ABL2: variants seen among roughly 807,000 people sequenced by gnomAD.
ABL2 encodes the protein tyrosine-protein kinase ABL2.
In ABL2, 49 loss-of-function variants were observed where a neutral mutation model predicts 107.7. The observed-to-expected ratio is 0.45, with a 90% CI of 0.36 to 0.58. The LOEUF (loss-of-function observed/expected upper bound fraction) is 0.58. ABL2 is among the 20% of genes least tolerant of loss of function. ABL2 has a pLI of 0.00. For missense variants in ABL2, 1,245 were observed against 1,457.0 expected (o/e 0.85, Z 2.37); for synonymous variants, 549 against 548.6 (o/e 1.00, Z -0.01).
At chr1:179,155,428 TTTTA>T (rs1350519643) in intron 1 of ABL2, among the ~76,000 whole-genome samples, 2 of 152,138 alleles carry the variant, frequency 1.3e-5, no homozygotes, top group African/African-American at 4.8e-5. Flanking sequence ...AGAGAACAGT[TTTTA>T]AAATTTATAC....
intron 1 of ABL2, among the ~76,000 whole-genome samples, chr1:179,139,641 A>G (rs1471394521): frequency 6.6e-6 from 1 of 152,026 alleles, no homozygotes; most frequent in African/African-American, 2.4e-5. Context: ...CATGACCACC[A>G]TCATCTAGGT....
intron 1 of ABL2, chr1:179,137,927 ATGAT>A (rs2102693385): frequency 6.6e-6 from 1 of 152,322 alleles, no homozygotes; most frequent in South Asian, 2.1e-4. Flanking sequence ...TTTAAGAAGG[ATGAT>A]TGATTAAACT....
chr1:179,204,639 C>T (rs1235523667), intron 1 of ABL2, among the ~76,000 whole-genome samples: 1 of 151,884 alleles, frequency 6.6e-6, no homozygotes, highest in Admixed American at 6.6e-5. Flanking sequence ...CCCAGCTACT[C>T]GGGAGGCTGA....
chr1:179,227,600 C>T (rs535543604), intron 1 of ABL2, among the ~76,000 whole-genome samples: 78 of 152,334 alleles, frequency 5.1e-4, no homozygotes, highest in Admixed American at 1.7e-3. Flanking sequence ...AGTAACACTT[C>T]CCACAAAGTG....
At chr1:179,226,360 C>T (rs543804136) in intron 1 of ABL2, among the ~76,000 whole-genome samples, 1 of 144,360 alleles carries the variant, frequency 6.9e-6, no homozygotes, top group South Asian at 2.2e-4. Flanking sequence ...GTCACCCAGG[C>T]TGGAGTGGCG....
At chr1:179,134,837 C>T (rs1334356112) in intron 1 of ABL2, among the ~76,000 whole-genome samples, 2 of 152,342 alleles carry the variant, frequency 1.3e-5, no homozygotes, top group East Asian at 1.9e-4. Context: ...CTGCCTGATT[C>T]TCCTGCCTCA....
intron 1 of ABL2, among the ~76,000 whole-genome samples, chr1:179,139,760 C>T (rs1329077108): frequency 1.3e-5 from 2 of 152,160 alleles, no homozygotes; most frequent in African/African-American, 4.8e-5. Context: ...TTGAGCTCCA[C>T]CTCCCGTCAG....
chr1:179,184,639 G>T, intron 1 of ABL2: 1 of 485,636 alleles, frequency 2.1e-6, no homozygotes, highest in Non-Finnish European at 3.8e-6. Context: ...TGAGGAAGAA[G>T]ATGATGATGA....
At chr1:179,174,524 A>G (rs1453126063) in intron 1 of ABL2, among the ~76,000 whole-genome samples, 1 of 152,174 alleles carries the variant, frequency 6.6e-6, no homozygotes, top group Non-Finnish European at 1.5e-5. Flanking sequence ...ACTTTGAAAT[A>G]TATATATGTG....
intron 1 of ABL2, among the ~76,000 whole-genome samples, chr1:179,138,965 G>A (rs543376918): frequency 5.9e-5 from 9 of 152,314 alleles, no homozygotes; most frequent in East Asian, 3.9e-4. Context: ...TGTCAGCCCC[G>A]GGCAATGAGG....
chr1:179,220,166 T>G (rs887184714), intron 1 of ABL2, among the ~76,000 whole-genome samples: 2 of 152,256 alleles, frequency 1.3e-5, no homozygotes, highest in African/African-American at 4.8e-5. Flanking sequence ...AACAGCTATG[T>G]AACCTCAAGA....
intron 3 of ABL2, among the ~76,000 whole-genome samples, chr1:179,127,752 C>T (rs1428488112): frequency 6.6e-6 from 1 of 152,006 alleles, no homozygotes; most frequent in African/African-American, 2.4e-5. Flanking sequence ...ATGGCCATGG[C>T]TGAGCGTGGT....
At position 179,107,285 on chromosome 1, in the gene ABL2, T is replaced by C. The variant is rs1352775449; in HGVS notation, c.*433A>G. The C allele has an allele frequency of 3.4e-5, 8 of 236,072 alleles. No homozygotes were observed. The highest frequency in any genetic ancestry group is 5.8e-5 in the Non-Finnish European group (7 of 119,742). The allele number at this position is 236,072 out of a possible 1,614,324, so 14.6% of individuals were successfully genotyped here. The stretch of plus-strand genomic sequence containing the variant: ...TCTTGGTACATTCCCAGCTTTCTTT[T>C]CTGCTGTCCCACCAAATTCATTAGG... On this transcript the variant is annotated 3_prime_UTR_variant, in exon 12 of 12. Coordinates refer to ENST00000502732, the MANE Select transcript of ABL2 (RefSeq NM_007314.4).
Position 179,107,315 on chromosome 1 carries a change from T to C in ABL2, c.*403A>G, listed in dbSNP as rs982962127. ...TGTCCCACCAAATTCATTAGGTAAA[T>C]TGGAGCATAATCACCATTAGTACCT... On this transcript the variant is annotated 3_prime_UTR_variant, in exon 12 of 12. Transcript: ENST00000502732. 8.4e-6 allele frequency: 2 copies of C among 238,388 alleles called. No individual in the cohort carries two copies. The highest frequency in any genetic ancestry group is 1.7e-5 in the Non-Finnish European group (2 of 121,176). 14.8% of individuals were successfully genotyped at this position (238,388 alleles called of 1,614,324 possible). A position where few individuals can be genotyped will look rare whatever the true frequency, so the allele number is the denominator to read the frequency against.
At position 179,131,428 on chromosome 1, in the gene ABL2, C is replaced by T. The variant is rs1201299762; in HGVS notation, c.274G>A (p.Ala92Thr). 2 of 1,613,958 alleles carry T rather than the reference C, an allele frequency of 1.2e-6. No individual in the cohort carries two copies. Among genetic ancestry groups the T allele is most frequent in the African/African-American group, 2.7e-5 (2 of 74,914 alleles). Residue 92 changes from alanine (A) to threonine (T), a missense_variant, in exon 3 of 12, where the codon GCT (alanine) becomes ACT (threonine). By Grantham distance (58) the Ala-to-Thr change is moderately conservative (BLOSUM62 0). Transcript: ENST00000502732. ...TTCTCCTTGGAGCTCCACCTGATAG[C>T]CTCATTTAGTGCCTGGGGTTCAACA... ...CDVEPQALNEAIRWSSKENLL... is the reference protein window; with the variant it reads ...CDVEPQALNETIRWSSKENLL...
chr1:179,188,338 T>G (rs1407480057), intron 1 of ABL2, among the ~76,000 whole-genome samples: 1 of 151,742 alleles, frequency 6.6e-6, no homozygotes, highest in African/African-American at 2.4e-5. Context: ...GGGCAGGAGT[T>G]GGAGATGAGC....
At chr1:179,136,109 C>T (rs1300631649) in intron 1 of ABL2, among the ~76,000 whole-genome samples, 1 of 151,156 alleles carries the variant, frequency 6.6e-6, no homozygotes, top group Admixed American at 6.6e-5. Context: ...CCCCGTCCGG[C>T]CAGCCACCCC....
chr1:179,117,372 A>G lies in ABL2; in HGVS notation c.1368T>C (p.Ser456=), dbSNP rs1444751225. The change falls in exon 8 of 12, where the codon AGT becomes AGC. Residue 456 remains serine, a synonymous_variant. Transcript: ENST00000502732. ...KFPIKWTAPE[S]LAYNTFSIKS... ...TAATTGAGAAGGTATTGTAGGCAAG[A>G]CTCTCTGGTGCTGTCCACTTAATAG... 6.2e-7 allele frequency: 1 copy of G among 1,613,936 alleles called. No homozygotes were observed. Among genetic ancestry groups the G allele is most frequent in the African/African-American group, 1.3e-5 (1 of 74,894 alleles).
chr1:179,200,039 CTTTTTTTTTTTTTTT>C (rs55873652), intron 1 of ABL2, among the ~76,000 whole-genome samples: 2 of 84,104 alleles, frequency 2.4e-5, no homozygotes, highest in African/African-American at 1.0e-4. Context: ...CCCCCAATGC[CTTTTTTTTTTTTTTT>C]TTTTTTTTTT....
Sources: gnomAD v4.1 joint callset for allele counts (sites outside exome capture counted in the v4.1 genomes callset) on GRCh38, gnomAD v4.1.1 for gene constraint, MANE v1.5 for transcripts, NCBI Gene and HGNC (gene_info 2026-07-23, HGNC 2026-07-21) for gene names.